PCDHB7: variants seen among roughly 807,000 people sequenced by gnomAD.
PCDHB7 encodes the protein protocadherin beta 7, also known as protocadherin beta-7.
For synonymous variants in PCDHB7, 542 were observed against 463.1 expected, an observed-to-expected ratio of 1.17 and a Z score of -2.19; for missense variants, 1,148 against 1,011.6, an observed-to-expected ratio of 1.13 and a Z score of -1.83.
At position 141,174,737 on chromosome 5, in the gene PCDHB7, C is replaced by G. The variant is rs1554280305; in HGVS notation, c.1902C>G (p.Asp634Glu). Residue 634 changes from aspartate to glutamate, a missense_variant, in exon 1 of 1, where the codon GAC becomes GAG. Physicochemically the swap from Asp to Glu is conservative, Grantham distance 45 (BLOSUM62 2). Coordinates refer to ENST00000231137, the MANE Select transcript of PCDHB7 (RefSeq NM_018940.4). ...CCGCCAGGCTGCTGAGCGAGCGCGACGCAGCCAAGCAGAGGCTGGTGGTGC... is the reference window on the plus strand; with the variant it reads ...CCGCCAGGCTGCTGAGCGAGCGCGAGGCAGCCAAGCAGAGGCTGGTGGTGC... Reference protein sequence around the residue: ...VRTARLLSERDAAKQRLVVLV... With the variant: ...VRTARLLSEREAAKQRLVVLV... 1.2e-6 allele frequency: 2 copies of G among 1,611,102 alleles called. No individual in the cohort carries two copies. Among genetic ancestry groups the G allele is most frequent in the Non-Finnish European group, 1.7e-6 (2 of 1,179,756 alleles).
rs1753327159 is a variant in PCDHB7 at position 141,174,668 on chromosome 5, G to A, written c.1833G>A (p.Glu611=). 1.2e-6 allele frequency: 2 copies of A among 1,610,448 alleles called. No homozygotes were observed. Among genetic ancestry groups the A allele is most frequent in the Non-Finnish European group, 1.7e-6 (2 of 1,179,756 alleles). ...WLSYQLLKAT[E]PGLFGVWAHN... The stretch of plus-strand genomic sequence containing the variant: ...CGTACCAGCTGCTCAAGGCCACGGA[G>A]CCCGGGCTATTCGGCGTGTGGGCGC... Residue 611 remains glutamate (E), a synonymous_variant, in exon 1 of 1, where the codon GAG becomes GAA. Coordinates refer to ENST00000231137, the MANE Select transcript of PCDHB7 (RefSeq NM_018940.4).
In PCDHB7 at chr5:141,175,656, G is replaced by A; in HGVS notation, c.*439G>A. 5.4e-6 allele frequency: 1 copy of A among 186,254 alleles called. No individual in the cohort carries two copies. The highest frequency in any genetic ancestry group is 5.7e-5 in the Admixed American group (1 of 17,392). 11.5% of individuals were successfully genotyped at this position (186,254 alleles called of 1,614,324 possible). A position where few individuals can be genotyped will look rare whatever the true frequency, so the allele number is the denominator to read the frequency against. ...TTTAACACTTTTAATCTGAGAAGAA[G>A]CATATGAGGCATGGTATTTTAGGAA... On this transcript the variant is annotated 3_prime_UTR_variant, in exon 1 of 1. Coordinates refer to ENST00000231137, the MANE Select transcript of PCDHB7 (RefSeq NM_018940.4).
At position 141,174,651 on chromosome 5, in the gene PCDHB7, C is replaced by G. The variant is rs1476316329; in HGVS notation, c.1816C>G (p.Leu606Val). 10 of 1,610,316 alleles carry G rather than the reference C, an allele frequency of 6.2e-6. No individual in the cohort carries two copies. In the African/African-American group the frequency reaches 1.3e-4, roughly 22 times the overall value. ...SGQNAWLSYQ[L>V]LKATEPGLFG... is the part of the protein sequence containing the mutation. ...CCAGAACGCCTGGCTGTCGTACCAG[C>G]TGCTCAAGGCCACGGAGCCCGGGCT... The change falls in exon 1 of 1, where the codon CTG becomes GTG. Residue 606 changes from leucine (L) to valine (V), a missense_variant. Transcript: ENST00000231137.
chr5:141,172,721 CT>C lies in PCDHB7; in HGVS notation c.-113del. The C allele has an allele frequency of 1.2e-6, 1 of 820,092 alleles. No homozygotes were observed. The highest frequency in any genetic ancestry group is 1.8e-5 in the South Asian group (1 of 55,242). The allele number at this position is 820,092 out of a possible 1,614,324, so 50.8% of individuals were successfully genotyped here. On this transcript the variant is annotated 5_prime_UTR_variant, in exon 1 of 1. An upstream open reading frame in the 5' UTR loses its in-frame stop. Coordinates refer to ENST00000231137, the MANE Select transcript of PCDHB7 (RefSeq NM_018940.4). ...TAGGAATTGGGGTAAAATGAGGATC[CT>C]TCCCCACAAACATTGCTATTATTCA...
At position 141,173,119 on chromosome 5, in the gene PCDHB7, T is replaced by C. The variant is rs1554279914; in HGVS notation, c.284T>C (p.Leu95Pro). 1.1e-5 allele frequency: 17 copies of C among 1,614,244 alleles called. No individual in the cohort carries two copies. Among genetic ancestry groups the C allele is most frequent in the Non-Finnish European group, 1.4e-5 (17 of 1,180,044 alleles). The stretch of plus-strand genomic sequence containing the variant: ...AATGAGAAATTGGACCGAGAGGAAC[T>C]GTGTGGCCCCAGAGAGCCCTGTGTG... Reference protein sequence around the residue: ...LLNEKLDREELCGPREPCVLP... With the variant: ...LLNEKLDREEPCGPREPCVLP... Residue 95 changes from leucine to proline, a missense_variant, in exon 1 of 1, where the codon CTG becomes CCG. Leu to Pro is a moderately conservative substitution (Grantham distance 98). Coordinates refer to ENST00000231137, the MANE Select transcript of PCDHB7 (RefSeq NM_018940.4).
rs1248753890 is a variant in PCDHB7 at position 141,172,744 on chromosome 5, T to C, written c.-92T>C. 3.0e-6 allele frequency: 3 copies of C among 1,002,760 alleles called. No individual in the cohort carries two copies. In the African/African-American group the frequency reaches 4.8e-5, roughly 16 times the overall value. 62.1% of individuals were successfully genotyped at this position (1,002,760 alleles called of 1,614,324 possible). ...TCCTTCCCCACAAACATTGCTATTA[T>C]TCAGCTCATTTCAAAGGATTCCGCT... On this transcript the variant is annotated 5_prime_UTR_variant, in exon 1 of 1. Transcript: ENST00000231137.
Position 141,172,828 on chromosome 5 carries a change from AAAG to A in PCDHB7, c.-2_1del. The A allele has an allele frequency of 1.2e-6, 2 of 1,603,756 alleles. No individual in the cohort carries two copies. Among genetic ancestry groups the A allele is most frequent in the African/African-American group, 1.3e-5 (1 of 74,620 alleles). On this transcript the variant is annotated 5_prime_UTR_variant, in exon 1 of 1. Coordinates refer to ENST00000231137, the MANE Select transcript of PCDHB7 (RefSeq NM_018940.4). ...GAAAGTCATTTTGAAAGACTGATCCAAAGAAGAATGGAGGCCAGAGTGGAGCGT... is the reference window on the plus strand; with the variant it reads ...GAAAGTCATTTTGAAAGACTGATCCAAAGAATGGAGGCCAGAGTGGAGCGT...
Position 141,173,878 on chromosome 5 carries a change from T to A in PCDHB7, c.1043T>A (p.Leu348His). The A allele has an allele frequency of 6.2e-7, 1 of 1,613,700 alleles. No individual in the cohort carries two copies. The highest frequency in any genetic ancestry group is 2.2e-5 in the East Asian group (1 of 44,862). ...ATAAACGATAATCGACCCGAGCTGCTCCTGTCTTCACTTACTAGCCCAATT... is the reference window on the plus strand; with the variant it reads ...ATAAACGATAATCGACCCGAGCTGCACCTGTCTTCACTTACTAGCCCAATT... The part of the protein sequence containing the change: ...TDINDNRPEL[L>H]LSSLTSPIAE... Residue 348 changes from leucine to histidine, a missense_variant, in exon 1 of 1, where the codon CTC becomes CAC. Leu to His is a moderately conservative substitution (Grantham distance 99, BLOSUM62 -3). Coordinates refer to ENST00000231137, the MANE Select transcript of PCDHB7 (RefSeq NM_018940.4).
At position 141,172,859 on chromosome 5, in the gene PCDHB7, T is replaced by G; in HGVS notation, c.24T>G (p.Ala8=). The G allele has an allele frequency of 6.2e-7, 1 of 1,613,940 alleles. No homozygotes were observed. MEARVER[A]VQKRQVLFLC... ...GAATGGAGGCCAGAGTGGAGCGTGCTGTGCAGAAAAGGCAAGTCTTATTTC... is the reference window on the plus strand; with the variant it reads ...GAATGGAGGCCAGAGTGGAGCGTGCGGTGCAGAAAAGGCAAGTCTTATTTC... Residue 8 remains alanine (A), a synonymous_variant, in exon 1 of 1, where the codon GCT becomes GCG. Coordinates refer to ENST00000231137, the MANE Select transcript of PCDHB7 (RefSeq NM_018940.4).
In PCDHB7 at chr5:141,172,672, G is replaced by A. The variant is rs909909358; in HGVS notation, c.-164G>A. On this transcript the variant is annotated 5_prime_UTR_variant, in exon 1 of 1. Coordinates refer to ENST00000231137, the MANE Select transcript of PCDHB7 (RefSeq NM_018940.4). ...GCAAAGAGGCAATCTGAAGAGAAAA[G>A]CATAGGAAAGGAAACAGTGGTAATA... The A allele has an allele frequency of 3.4e-6, 2 of 591,674 alleles. No homozygotes were observed. The highest frequency in any genetic ancestry group is 2.4e-5 in the South Asian group (1 of 41,806). 36.7% of individuals were successfully genotyped at this position (591,674 alleles called of 1,614,324 possible).
chr5:141,173,901 A>G lies in PCDHB7; in HGVS notation c.1066A>G (p.Ile356Val), dbSNP rs782078647. ...ELLLSSLTSP[I>V]AENSPETVVA... ...GCTCCTGTCTTCACTTACTAGCCCA[A>G]TTGCAGAAAACTCACCCGAGACAGT... Residue 356 changes from isoleucine (I) to valine (V), a missense_variant, in exon 1 of 1, where the codon ATT becomes GTT. Ile to Val is a conservative substitution (Grantham distance 29). Coordinates refer to ENST00000231137, the MANE Select transcript of PCDHB7 (RefSeq NM_018940.4). 5.6e-6 allele frequency: 9 copies of G among 1,612,562 alleles called. No individual in the cohort carries two copies. The East Asian group carries it at 1.8e-4, about 32-fold the overall frequency.
chr5:141,175,155 C>T lies in PCDHB7; in HGVS notation c.2320C>T (p.Pro774Ser). 1 of 1,614,058 alleles carries T rather than the reference C, an allele frequency of 6.2e-7. No homozygotes were observed. The highest frequency in any genetic ancestry group is 8.5e-7 in the Non-Finnish European group (1 of 1,179,932). ...FLKPIIPNLL[P>S]QSTGREVEEN... is the part of the protein sequence containing the mutation. ...GAAACCAATTATCCCCAACCTGCTA[C>T]CCCAGAGCACAGGCAGGGAAGTGGA... The change falls in exon 1 of 1, where the codon CCC (proline) becomes TCC (serine). Residue 774 changes from proline (P) to serine (S), a missense_variant. By Grantham distance (74) the Pro-to-Ser change is moderately conservative. Transcript: ENST00000231137.
Position 141,172,705 on chromosome 5 carries a change from G to T in PCDHB7, c.-131G>T. The T allele has an allele frequency of 1.4e-6, 1 of 700,294 alleles. No homozygotes were observed. The highest frequency in any genetic ancestry group is 2.4e-6 in the Non-Finnish European group (1 of 412,636). The allele number at this position is 700,294 out of a possible 1,614,324, so 43.4% of individuals were successfully genotyped here. On this transcript the variant is annotated 5_prime_UTR_variant, in exon 1 of 1. Transcript: ENST00000231137. ...AAGGAAACAGTGGTAATAGGAATTG[G>T]GGTAAAATGAGGATCCTTCCCCACA...
At position 141,173,983 on chromosome 5, in the gene PCDHB7, G is replaced by T. The variant is rs782044374; in HGVS notation, c.1148G>T (p.Cys383Phe). 3 of 1,614,134 alleles carry T rather than the reference G, an allele frequency of 1.9e-6. No homozygotes were observed. The highest frequency in any genetic ancestry group is 2.5e-6 in the Non-Finnish European group (3 of 1,180,030). ...RDSGNNGKTV[C>F]SIQDDVPFIL... ...TCCGGGAACAATGGAAAGACAGTGT[G>T]CTCCATCCAGGACGATGTCCCCTTC... The change falls in exon 1 of 1, where the codon TGC becomes TTC. Residue 383 changes from cysteine to phenylalanine, a missense_variant. Physicochemically the swap from Cys to Phe is radical, Grantham distance 205. Coordinates refer to ENST00000231137, the MANE Select transcript of PCDHB7 (RefSeq NM_018940.4).
At position 141,173,164 on chromosome 5, in the gene PCDHB7, T is replaced by G; in HGVS notation, c.329T>G (p.Leu110Trp). Residue 110 changes from leucine to tryptophan, a missense_variant, in exon 1 of 1, where the codon TTG becomes TGG. Leu to Trp is a moderately conservative substitution (Grantham distance 61). Transcript: ENST00000231137. ...TGTGTGCTGCCTTTCCAGTTGTTAT[T>G]GGAAAAACCTTTTCAGATTTTCCGT... ...EPCVLPFQLLLEKPFQIFRAE... is the reference protein window; with the variant it reads ...EPCVLPFQLLWEKPFQIFRAE... 1 of 1,613,804 alleles carries G rather than the reference T, an allele frequency of 6.2e-7. No individual in the cohort carries two copies. The highest frequency in any genetic ancestry group is 8.5e-7 in the Non-Finnish European group (1 of 1,179,818).
chr5:141,173,017 C>T lies in PCDHB7; in HGVS notation c.182C>T (p.Ala61Val), dbSNP rs1554279884. 1.9e-6 allele frequency: 3 copies of T among 1,614,120 alleles called. No homozygotes were observed. The Admixed American group carries it at 5.0e-5, about 27-fold the overall frequency. The change falls in exon 1 of 1, where the codon GCC (alanine) becomes GTC (valine). Residue 61 changes from alanine to valine, a missense_variant. Physicochemically the swap from Ala to Val is moderately conservative, Grantham distance 64 (BLOSUM62 0). Transcript: ENST00000231137. ...GGGTTAGGGGTAGGGGAACTGAGAG[C>T]CCGGGGAACTAGAATTGTTTCAGAC... ...DLGLGVGELR[A>V]RGTRIVSDQN...
Position 141,173,614 on chromosome 5 carries a change from T to C in PCDHB7, c.779T>C (p.Met260Thr), listed in dbSNP as rs781821686. ...QVPENSPVGS[M>T]VVSVSARDLD... ...CCCGAAAATAGCCCCGTTGGTTCCA[T>C]GGTTGTCTCCGTGTCAGCCAGAGAT... Residue 260 changes from methionine to threonine, a missense_variant, in exon 1 of 1, where the codon ATG (methionine) becomes ACG (threonine). Coordinates refer to ENST00000231137, the MANE Select transcript of PCDHB7 (RefSeq NM_018940.4). 19 of 1,614,188 alleles carry C rather than the reference T, an allele frequency of 1.2e-5. No homozygotes were observed. The highest frequency in any genetic ancestry group is 1.6e-4 in the Middle Eastern group (1 of 6,062).
Position 141,172,964 on chromosome 5 carries a change from C to T in PCDHB7, c.129C>T (p.Thr43=), listed in dbSNP as rs1563913753. 3.7e-6 allele frequency: 6 copies of T among 1,614,176 alleles called. No individual in the cohort carries two copies. The East Asian group carries it at 1.1e-4, about 30-fold the overall frequency. The part of the protein sequence containing the change: ...YFVAEETERG[T]FLTNLAKDLG... The stretch of plus-strand genomic sequence containing the variant: ...TGGCGGAGGAAACCGAGAGAGGCAC[C>T]TTTCTTACCAACTTGGCAAAAGACC... Residue 43 remains threonine, a synonymous_variant, in exon 1 of 1, where the codon ACC becomes ACT. Coordinates refer to ENST00000231137, the MANE Select transcript of PCDHB7 (RefSeq NM_018940.4).
Position 141,174,253 on chromosome 5 carries a change from T to C in PCDHB7, c.1418T>C (p.Val473Ala). ...AGCCCCGCCCTGCCCATCGGCAGTG[T>C]CAGCGCCACAGACAGAGACTCGGGC... The part of the protein sequence containing the change: ...NNSPALPIGS[V>A]SATDRDSGTN... Residue 473 changes from valine (V) to alanine (A), a missense_variant, in exon 1 of 1, where the codon GTC becomes GCC. Coordinates refer to ENST00000231137, the MANE Select transcript of PCDHB7 (RefSeq NM_018940.4). 1 of 1,612,742 alleles carries C rather than the reference T, an allele frequency of 6.2e-7. No individual in the cohort carries two copies. Among genetic ancestry groups the C allele is most frequent in the Non-Finnish European group, 8.5e-7 (1 of 1,179,696 alleles).
Sources: gnomAD v4.1 joint callset for allele counts on GRCh38, gnomAD v4.1.1 for gene constraint, MANE v1.5 for transcripts, NCBI Gene and HGNC (gene_info 2026-07-23, HGNC 2026-07-21) for gene names.